WWOX: variants seen among roughly 807,000 people sequenced by gnomAD.
WWOX encodes WW domain containing oxidoreductase.
In WWOX, 69 loss-of-function variants were observed where a neutral mutation model predicts 46.2. The observed-to-expected ratio is 1.49, with a 90% CI of 1.23 to 1.82. The LOEUF is 1.82. Ranked by LOEUF, WWOX falls within the 40% of genes most tolerant of loss-of-function variation. The probability of loss-of-function intolerance (pLI) is 0.00; values close to 1 mark genes in which losing one functional copy is unlikely to be tolerated. For missense variants in WWOX, 919 were observed against 542.6 expected (o/e 1.69, Z -6.89); for synonymous variants, 359 against 202.6 (o/e 1.77, Z -6.56).
chr16:79,067,733 G>A (rs1050771289), intron 8 of WWOX, among the ~76,000 whole-genome samples: 2 of 152,104 alleles, frequency 1.3e-5, no homozygotes, highest in African/African-American at 4.8e-5. Flanking sequence ...AGCTGTATTC[G>A]CTGTGCCTAT....
intron 8 of WWOX, among the ~76,000 whole-genome samples, chr16:79,180,309 A>T (rs974059288): frequency 6.6e-6 from 1 of 152,246 alleles, no homozygotes; most frequent in Non-Finnish European, 1.5e-5. Context: ...GTGGAAGGTC[A>T]CGCAAGGAAG....
intron 8 of WWOX, among the ~76,000 whole-genome samples, chr16:79,168,317 A>C (rs1256515709): frequency 6.6e-6 from 1 of 152,218 alleles, no homozygotes; most frequent in African/African-American, 2.4e-5. Flanking sequence ...TGCTATCCAC[A>C]GTGGCTGCCT....
chr16:78,593,339 C>G (rs888399470), intron 8 of WWOX, among the ~76,000 whole-genome samples: 6 of 152,190 alleles, frequency 3.9e-5, no homozygotes, highest in East Asian at 1.9e-4. Flanking sequence ...CCATCCCTGG[C>G]CTTGATACTG....
intron 8 of WWOX, among the ~76,000 whole-genome samples, chr16:78,486,657 C>G (rs113699638): frequency 1.3e-5 from 2 of 152,144 alleles, no homozygotes; most frequent in East Asian, 3.9e-4. Context: ...TCACTGCAGC[C>G]TCTGCCTCCT....
intron 8 of WWOX, among the ~76,000 whole-genome samples, chr16:79,091,575 C>T (rs2048960839): frequency 6.6e-6 from 1 of 152,018 alleles, no homozygotes; most frequent in African/African-American, 2.4e-5. Flanking sequence ...CAAAGAACAC[C>T]CCAGAACAAT....
chr16:79,108,920 GTT>G (rs572501077), intron 8 of WWOX, among the ~76,000 whole-genome samples: 4 of 144,620 alleles, frequency 2.8e-5, no homozygotes, highest in African/African-American at 1.0e-4. Context: ...AAAAAAAAAA[GTT>G]TTTTTTTTTT....
At chr16:78,501,305 G>C (rs551678215) in intron 8 of WWOX, among the ~76,000 whole-genome samples, 15 of 149,540 alleles carry the variant, frequency 1.0e-4, no homozygotes, top group Non-Finnish European at 2.1e-4. Context: ...CTTTGTTTGT[G>C]TAAATGTTTT....
At chr16:78,473,799 C>A (rs966432376) in intron 8 of WWOX, among the ~76,000 whole-genome samples, 1 of 152,098 alleles carries the variant, frequency 6.6e-6, no homozygotes, top group Non-Finnish European at 1.5e-5. Flanking sequence ...CCCCTGAATG[C>A]CAACAAGAGT....
intron 8 of WWOX, chr16:78,756,938 A>T: frequency 4.3e-6 from 3 of 703,022 alleles, no homozygotes; most frequent in Non-Finnish European, 7.8e-6. Flanking sequence ...CATTCACTCT[A>T]GGAAAAGCCA....
chr16:78,961,121 C>T (rs2046263100), intron 8 of WWOX, among the ~76,000 whole-genome samples: 1 of 152,162 alleles, frequency 6.6e-6, no homozygotes, highest in Admixed American at 6.5e-5. Flanking sequence ...AAGAAAGACT[C>T]AAGCCAAGCA....
intron 8 of WWOX, among the ~76,000 whole-genome samples, chr16:78,968,002 T>A (rs2046394261): frequency 6.6e-6 from 1 of 152,236 alleles, no homozygotes; most frequent in African/African-American, 2.4e-5. Flanking sequence ...AGAAGATGTA[T>A]AAGTGTATGT....
intron 4 of WWOX, among the ~76,000 whole-genome samples, chr16:78,134,676 A>G (rs2033726842): frequency 6.6e-6 from 1 of 152,224 alleles, no homozygotes; most frequent in Admixed American, 6.5e-5. Context: ...TGAGCTGCTT[A>G]TGGCAAGTGA....
intron 5 of WWOX, among the ~76,000 whole-genome samples, chr16:78,369,890 T>C (rs1330338537): frequency 6.6e-6 from 1 of 152,006 alleles, no homozygotes; most frequent in Non-Finnish European, 1.5e-5. Flanking sequence ...CCCAGCACTT[T>C]GGGAGGCCGA....
At chr16:78,375,351 A>AT (rs1418918838) in intron 5 of WWOX, among the ~76,000 whole-genome samples, 1 of 152,224 alleles carries the variant, frequency 6.6e-6, no homozygotes, top group Non-Finnish European at 1.5e-5. Context: ...CAAATGGCTT[A>AT]TGGTAAGTTG....
At chr16:78,418,361 C>A (rs1011331145) in intron 6 of WWOX, among the ~76,000 whole-genome samples, 2 of 150,632 alleles carry the variant, frequency 1.3e-5, no homozygotes, top group African/African-American at 4.9e-5. Flanking sequence ...GAGTAAGACT[C>A]CATCTCAGAA....
intron 8 of WWOX, among the ~76,000 whole-genome samples, chr16:78,555,347 C>G (rs1403411984): frequency 6.6e-6 from 1 of 152,034 alleles, no homozygotes; most frequent in Non-Finnish European, 1.5e-5. Context: ...AAAACATATC[C>G]TTAATATTGT....
chr16:78,635,780 T>C (rs940258589), intron 8 of WWOX, among the ~76,000 whole-genome samples: 2 of 152,180 alleles, frequency 1.3e-5, no homozygotes, highest in Non-Finnish European at 2.9e-5. Context: ...TTGAGCTGGA[T>C]GTCCATGTTG....
intron 5 of WWOX, among the ~76,000 whole-genome samples, chr16:78,332,563 G>C (rs888761511): frequency 6.6e-6 from 1 of 152,160 alleles, no homozygotes; most frequent in Non-Finnish European, 1.5e-5. Flanking sequence ...ACATCCATTT[G>C]TCCACCCCAA....
intron 5 of WWOX, among the ~76,000 whole-genome samples, chr16:78,308,305 G>A (rs538226752): frequency 6.6e-6 from 1 of 152,230 alleles, no homozygotes; most frequent in Non-Finnish European, 1.5e-5. Flanking sequence ...CCTGCCTCTG[G>A]GCCAAGGGGA....
Sources: allele counts gnomAD v4.1 joint callset (sites outside exome capture counted in the v4.1 genomes callset), GRCh38; gene constraint gnomAD v4.1.1; transcripts MANE v1.5; gene names NCBI Gene and HGNC (gene_info 2026-07-23, HGNC 2026-07-21).